OXR1: variants seen among roughly 807,000 people sequenced by gnomAD.
OXR1 encodes the protein oxidation resistance 1, also known as oxidation resistance protein 1.
Under a neutral mutation model 104.6 loss-of-function variants are expected in OXR1, and 41 were observed. The ratio of observed to expected loss-of-function variants is 0.39; its 90% CI spans 0.31 to 0.51. The LOEUF (loss-of-function observed/expected upper bound fraction) is 0.51. OXR1 is among the 20% of genes least tolerant of loss of function. The pLI, the probability that OXR1 is intolerant of heterozygous loss-of-function variation, is 0.77. For missense variants in OXR1, 955 were observed against 1,031.9 expected (o/e 0.93, Z 1.02); for synonymous variants, 348 against 348.4 (o/e 1.00, Z 0.01).
intron 2 of OXR1, among the ~76,000 whole-genome samples, chr8:106,509,803 G>C (rs534527257): frequency 1.2e-4 from 18 of 152,192 alleles, no homozygotes; most frequent in African/African-American, 3.6e-4. Context: ...TCAGAGTCTC[G>C]CTCTGTCGCC....
intron 3 of OXR1, chr8:106,581,399 G>A: frequency 2.4e-6 from 1 of 422,304 alleles, no homozygotes; most frequent in East Asian, 7.8e-5. Context: ...AGTAGATTCG[G>A]ATATTTGTTT....
At chr8:106,418,370 G>T (rs1002918038) in intron 2 of OXR1, among the ~76,000 whole-genome samples, 1 of 151,884 alleles carries the variant, frequency 6.6e-6, no homozygotes, top group Admixed American at 6.6e-5. Context: ...TCATGGCATT[G>T]CCCTGTTCAT....
At chr8:106,362,712 G>A (rs972807105) in intron 2 of OXR1, among the ~76,000 whole-genome samples, 5 of 152,176 alleles carry the variant, frequency 3.3e-5, no homozygotes, top group African/African-American at 1.2e-4. Flanking sequence ...TAGAAACAAA[G>A]GGATGCGCAG....
At chr8:106,401,314 C>T (rs10955421) in intron 2 of OXR1, among the ~76,000 whole-genome samples, 38,753 of 152,048 alleles carry the variant, frequency 0.25, 5,036 homozygotes, top group South Asian at 0.38. Context: ...TGGCATATCA[C>T]GTTGAACCAT....
At chr8:106,571,934 T>C (rs7818918) in intron 3 of OXR1, among the ~76,000 whole-genome samples, 108,044 of 152,030 alleles carry the variant, frequency 0.71, 38,606 homozygotes, top group Admixed American at 0.77. Context: ...AAATAGTCCT[T>C]TTTGGTTTGA....
At chr8:106,700,180 T>C (rs994573581) in intron 7 of OXR1, among the ~76,000 whole-genome samples, 2 of 152,204 alleles carry the variant, frequency 1.3e-5, no homozygotes, top group South Asian at 2.1e-4. Context: ...GTGGATTAAG[T>C]AGATACTTTA....
chr8:106,323,067 G>A (rs775945870), intron 1 of OXR1, among the ~76,000 whole-genome samples: 1 of 151,946 alleles, frequency 6.6e-6, no homozygotes. Context: ...AACCAAAAAA[G>A]AGCCTCAATA....
At chr8:106,344,347 T>G (rs1815389670) in intron 1 of OXR1, among the ~76,000 whole-genome samples, 1 of 152,172 alleles carries the variant, frequency 6.6e-6, no homozygotes, top group South Asian at 2.1e-4. Context: ...TTGTTTTGTT[T>G]TGTTTTTTGA....
At chr8:106,365,856 T>G (rs988167016) in intron 2 of OXR1, among the ~76,000 whole-genome samples, 2 of 152,210 alleles carry the variant, frequency 1.3e-5, no homozygotes, top group Non-Finnish European at 1.5e-5. Flanking sequence ...CTTTAAAAAC[T>G]AATGCCAACT....
chr8:106,311,521 T>G lies in OXR1; in HGVS notation c.-139+41154T>G, dbSNP rs191702967. On this transcript the variant is annotated intron_variant, in intron 1 of 16. Coordinates refer to ENST00000517566, the MANE Select transcript of OXR1 (RefSeq NM_001198533.2). ...TATTTTTGTCCTGTGTGTGTTAATT[T>G]ACTCAGAAAGGAATATTCTGAACTC... is the stretch of plus-strand genomic sequence containing the variant. Among the ~76,000 whole-genome samples, 92 of 152,316 alleles carry G rather than the reference T, an allele frequency of 6.0e-4. 1 individual carries two copies. The highest frequency in any genetic ancestry group is 2.1e-3 in the African/African-American group (86 of 41,582).
chr8:106,279,205 A>G (rs1172712157), intron 1 of OXR1, among the ~76,000 whole-genome samples: 2 of 152,232 alleles, frequency 1.3e-5, no homozygotes, highest in East Asian at 1.9e-4. Flanking sequence ...CAGAGAAAGC[A>G]TAAAGTCATG....
chr8:106,341,825 C>T (rs2130270651), intron 1 of OXR1, among the ~76,000 whole-genome samples: 1 of 152,014 alleles, frequency 6.6e-6, no homozygotes, highest in Non-Finnish European at 1.5e-5. Flanking sequence ...GAGGTTTTCT[C>T]CTCTTTTTCT....
chr8:106,362,865 G>A (rs567462437), intron 2 of OXR1, among the ~76,000 whole-genome samples: 1 of 152,340 alleles, frequency 6.6e-6, no homozygotes, highest in Admixed American at 6.5e-5. Context: ...TGGGAACTTA[G>A]TGTGTAGTAG....
rs755671289 is a variant in OXR1, at chr8:106,482,412, T to TG, written c.24-36526dup. Among the ~76,000 whole-genome samples the TG allele has an allele frequency of 0.012, 189 of 15,250 alleles. 1 individual carries two copies. In the Middle Eastern group the frequency reaches 0.14, roughly 11 times the overall value. The allele number at this position is 15,250 out of a possible 152,430, so 10.0% of individuals were successfully genotyped here. A position where few individuals can be genotyped will look rare whatever the true frequency, so the allele number is the denominator to read the frequency against. On this transcript the variant is annotated intron_variant, in intron 2 of 16. Transcript: ENST00000517566. ...ATTGGGAAGAACAAGAGTTAGGAAC[T>TG]GGGGGAAAAAAAAAAAAGGCTCAAA...
At chr8:106,372,100 C>A (rs2130378479) in intron 2 of OXR1, among the ~76,000 whole-genome samples, 1 of 152,320 alleles carries the variant, frequency 6.6e-6, no homozygotes, top group South Asian at 2.1e-4. Flanking sequence ...AGCTGAGAGG[C>A]TGTAAGAATC....
In OXR1 at chr8:106,429,231, A is replaced by G. The variant is rs373050549; in HGVS notation, c.23+69595A>G. On this transcript the variant is annotated intron_variant, in intron 2 of 16. Transcript: ENST00000517566. The stretch of plus-strand genomic sequence containing the variant: ...GTGGCTGCTCTGAGTTGGCCCCCCA[A>G]TCTGACTCTCTGCCCTCTAGCCTGC... Among the ~76,000 whole-genome samples, 19 of 152,154 alleles carry G rather than the reference A, an allele frequency of 1.2e-4. No individual in the cohort carries two copies. The East Asian group carries it at 1.9e-3, about 15-fold the overall frequency.
At chr8:106,574,711 G>C (rs1203815850) in intron 3 of OXR1, among the ~76,000 whole-genome samples, 1 of 152,204 alleles carries the variant, frequency 6.6e-6, no homozygotes, top group African/African-American at 2.4e-5. Flanking sequence ...AGTGTGCCAG[G>C]TTGTCCAAAT....
intron 2 of OXR1, among the ~76,000 whole-genome samples, chr8:106,450,007 A>G (rs1170974280): frequency 1.3e-5 from 2 of 152,186 alleles, no homozygotes; most frequent in Non-Finnish European, 2.9e-5. Flanking sequence ...GAAGTCATAT[A>G]TCATAGTGCT....
chr8:106,287,997 G>A (rs1248183433), intron 1 of OXR1, among the ~76,000 whole-genome samples: 2 of 152,170 alleles, frequency 1.3e-5, no homozygotes, highest in East Asian at 1.9e-4. Flanking sequence ...TTTCCTGTGC[G>A]TTTGGATCTG....
Sources: gnomAD v4.1 joint callset for allele counts (sites outside exome capture counted in the v4.1 genomes callset) on GRCh38, gnomAD v4.1.1 for gene constraint, MANE v1.5 for transcripts, NCBI Gene and HGNC (gene_info 2026-07-23, HGNC 2026-07-21) for gene names.